Variants in CLPTM1 observed in about 807,000 individuals in gnomAD.
CLPTM1 encodes the protein putative lipid scramblase CLPTM1.
In CLPTM1, 21 loss-of-function variants were observed where a neutral mutation model predicts 77.3. The ratio of observed to expected loss-of-function variants is 0.27; its 90% confidence interval spans 0.19 to 0.39. The LOEUF is 0.39. Among genes scored for constraint, CLPTM1 ranks in the 10% least tolerant of loss-of-function variants. The pLI is 1.00. For synonymous variants in CLPTM1, 373 were observed against 381.0 expected, an observed-to-expected ratio of 0.98 and a Z score of 0.24; for missense variants, 642 against 921.2, an observed-to-expected ratio of 0.70 and a Z score of 3.92.
chr19:44,977,210 C>T (rs993503734), intron 4 of CLPTM1, 133 bp from the exon 5 acceptor site: 2 of 712,400 alleles, frequency 2.8e-6, no homozygotes, highest in East Asian at 2.5e-5. Flanking sequence ...CTACATGCCC[C>T]ACCCTGAGTA....
chr19:44,987,876 C>T, intron 8 of CLPTM1: 1 of 607,642 alleles, frequency 1.6e-6, no homozygotes, highest in South Asian at 1.9e-5. Context: ...CTGCCTCTTC[C>T]CCTAGTGCCA....
rs1254220507 is a variant in CLPTM1, at chr19:44,992,546, C to T, written c.1724-65C>T. On this transcript the variant is annotated intron_variant, in intron 13 of 13. Coordinates refer to ENST00000337392, the MANE Select transcript of CLPTM1 (RefSeq NM_001294.4). This position sits in a 1 kb window ranked among gnomAD's most constrained non-coding sequence, Gnocchi z 7.7. The stretch of plus-strand genomic sequence containing the variant: ...CCCCGCCCTTGCATCACGCCCTCTC[C>T]ACCCAGGCCCACCTGGCTGTGGACG... 3 of 1,602,516 alleles carry T rather than the reference C, an allele frequency of 1.9e-6. No homozygotes were observed. The highest frequency in any genetic ancestry group is 1.1e-5 in the South Asian group (1 of 90,606).
At chr19:44,985,457 T>C (rs1401856746) in intron 6 of CLPTM1, among the ~76,000 whole-genome samples, 154 bp downstream of exon 6, 1 of 152,096 alleles carries the variant, frequency 6.6e-6, no homozygotes, top group Non-Finnish European at 1.5e-5. Flanking sequence ...GCTCCTCCTC[T>C]GGGAAATGGG....
At chr19:44,977,217 A>C in intron 4 of CLPTM1, 126 bp from the exon 5 acceptor site, 1 of 736,620 alleles carries the variant, frequency 1.4e-6, no homozygotes, top group East Asian at 2.5e-5. Context: ...CCCCACCCTG[A>C]GTACTCAGTA....
At chr19:44,974,353 G>A in intron 3 of CLPTM1, 86 bp from the exon 4 acceptor site, 2 of 1,378,576 alleles carry the variant, frequency 1.5e-6, no homozygotes, top group Non-Finnish European at 2.0e-6. Context: ...TCCCCTGAGT[G>A]TGCTGACCGC....
intron 2 of CLPTM1, among the ~76,000 whole-genome samples, chr19:44,972,768 CAA>C (rs1441471841): frequency 6.6e-6 from 1 of 152,028 alleles, no homozygotes; most frequent in African/African-American, 2.4e-5. Flanking sequence ...CAGTCTGAGT[CAA>C]GAGTCAGCCC....
rs1040308401 is a variant in CLPTM1 at position 44,990,162 on chromosome 19, G to A, written c.1133-233G>A. On this transcript the variant is annotated intron_variant, in intron 9 of 13. Coordinates refer to ENST00000337392, the MANE Select transcript of CLPTM1 (RefSeq NM_001294.4). The surrounding 1 kb of genome is among the most constrained non-coding windows in gnomAD (Gnocchi z 4.8). ...TCAAGGGACTGCACCTTGGGGTGCT[G>A]GGTGCTGACGTCCTATGGGAGGGCT... 2.4e-5 allele frequency: 13 copies of A among 550,244 alleles called. 1 individual carries two copies. The highest frequency in any genetic ancestry group is 2.3e-4 in the African/African-American group (12 of 53,240). 34.1% of individuals were successfully genotyped at this position (550,244 alleles called of 1,614,324 possible).
Position 44,992,242 on chromosome 19 carries a change from C to T in CLPTM1, c.1565C>T (p.Thr522Ile). ...YGFLLTFGFI[T>I]MTPQLFINYK... is the part of the protein sequence containing the mutation. ...GGTGCTCTCACTGCAGGCTTCATCA[C>T]CATGACGCCCCAGCTCTTCATCAAC... Residue 522 changes from threonine (T) to isoleucine (I), a missense_variant, in exon 13 of 14, where the codon ACC (threonine) becomes ATC (isoleucine). This residue lies in a region of CLPTM1 where 521 missense variants were observed against 800.4 expected (regional missense o/e 0.65). Coordinates refer to ENST00000337392, the MANE Select transcript of CLPTM1 (RefSeq NM_001294.4). The surrounding 1 kb of genome is among the most constrained non-coding windows in gnomAD (Gnocchi z 7.7). 1 of 1,614,038 alleles carries T rather than the reference C, an allele frequency of 6.2e-7. No homozygotes were observed. The highest frequency in any genetic ancestry group is 8.5e-7 in the Non-Finnish European group (1 of 1,179,932).
chr19:44,986,129 C>G (rs1447504460), intron 6 of CLPTM1, among the ~76,000 whole-genome samples: 1 of 152,068 alleles, frequency 6.6e-6, no homozygotes, highest in Non-Finnish European at 1.5e-5. Flanking sequence ...AGAAGGATCA[C>G]TTGAGCCCGG....
At chr19:44,966,749 G>A (rs1396605858) in intron 2 of CLPTM1, among the ~76,000 whole-genome samples, 2 of 151,684 alleles carry the variant, frequency 1.3e-5, no homozygotes, top group Admixed American at 6.6e-5. Context: ...GAGCTGGCAC[G>A]CACACAGACA....
chr19:44,974,298 T>C, intron 3 of CLPTM1, 141 bp from the exon 4 acceptor site: 3 of 729,984 alleles, frequency 4.1e-6, no homozygotes, highest in Non-Finnish European at 4.3e-6. Context: ...ATGTCCTCTC[T>C]GCTGCTCTTC....
At chr19:44,954,671 G>T, upstream of CLPTM1, 1 of 1,138,112 alleles carries the variant, frequency 8.8e-7, no homozygotes, top group Non-Finnish European at 1.1e-6. Flanking sequence ...GGAATTCTCA[G>T]AGCCCGTGAA....
At chr19:44,969,184 G>A (rs1970680048) in intron 2 of CLPTM1, among the ~76,000 whole-genome samples, 1 of 152,174 alleles carries the variant, frequency 6.6e-6, no homozygotes, top group African/African-American at 2.4e-5. Flanking sequence ...TGTGTCAGAT[G>A]TATATACACG....
rs140929246 is a variant in CLPTM1, at chr19:44,979,384, C to T, written c.586+1924C>T. On this transcript the variant is annotated intron_variant, in intron 5 of 13. Transcript: ENST00000337392. ...TTGAGCGGAGCTGGAGAATGGCTTC[C>T]TCAGAAAGCCCCCCATTCTTCTAAC... 4.5e-3 allele frequency among the ~76,000 whole-genome samples: 680 copies of T among 152,232 alleles called. 6 individuals are homozygous for T. The highest frequency in any genetic ancestry group is 0.016 in the African/African-American group (645 of 41,546).
At position 44,991,105 on chromosome 19, in the gene CLPTM1, C is replaced by T. The variant is rs115701041; in HGVS notation, c.1420-133C>T. The T allele has an allele frequency of 3.6e-4, 526 of 1,474,896 alleles. 1 individual carries two copies. In the African/African-American group the frequency reaches 6.2e-3, roughly 17 times the overall value. The allele number at this position is 1,474,896 out of a possible 1,614,324, so 91.4% of individuals were successfully genotyped here. On this transcript the variant is annotated intron_variant, in intron 11 of 13. Coordinates refer to ENST00000337392, the MANE Select transcript of CLPTM1 (RefSeq NM_001294.4). This position sits in a 1 kb window ranked among gnomAD's most constrained non-coding sequence, Gnocchi z 5.4. ...CCATAACTGCTTCCCTGGGCGAGTC[C>T]GGAGTCCCCAGGGCTACCTGGAAAT...
At chr19:44,967,605 C>T (rs915160980) in intron 2 of CLPTM1, among the ~76,000 whole-genome samples, 2 of 151,060 alleles carry the variant, frequency 1.3e-5, no homozygotes, top group Admixed American at 1.3e-4. Flanking sequence ...TGCAGTGAGC[C>T]GAGATCATGC....
chr19:44,980,987 G>A (rs552302934), intron 5 of CLPTM1, among the ~76,000 whole-genome samples: 24 of 151,718 alleles, frequency 1.6e-4, no homozygotes, highest in African/African-American at 4.1e-4. Context: ...ACAGGCGCCC[G>A]CCACCACGCC....
At chr19:44,965,563 C>T (rs1970615301) in intron 2 of CLPTM1, among the ~76,000 whole-genome samples, 2 of 151,878 alleles carry the variant, frequency 1.3e-5, no homozygotes, top group South Asian at 4.1e-4. Context: ...CCTGTAATCC[C>T]AGCACTTTGG....
chr19:44,967,816 CAT>C (rs1261652663), intron 2 of CLPTM1, among the ~76,000 whole-genome samples: 4 of 152,196 alleles, frequency 2.6e-5, no homozygotes, highest in Non-Finnish European at 4.4e-5. Flanking sequence ...GCAAAACTGA[CAT>C]GTGTGCCTCA....
Sources: allele counts gnomAD v4.1 joint callset (sites outside exome capture counted in the v4.1 genomes callset), GRCh38; gene constraint gnomAD v4.1.1; regional missense constraint gnomAD v4.1.1; non-coding constraint Gnocchi (gnomAD v3.1); transcripts MANE v1.5; gene names NCBI Gene and HGNC (gene_info 2026-07-23, HGNC 2026-07-21).